PLCE1: variants seen among roughly 807,000 people sequenced by gnomAD.
PLCE1 encodes 1-phosphatidylinositol 4,5-bisphosphate phosphodiesterase epsilon-1.
PLCE1 carries 119 observed loss-of-function variants against 242.8 expected under a neutral mutation model. That is an observed-to-expected ratio of 0.49 (90% CI 0.42 to 0.57). The LOEUF is 0.57. PLCE1 is among the 20% of genes least tolerant of loss of function. The pLI is 0.00. For synonymous variants in PLCE1, 945 were observed against 1,017.4 expected (o/e 0.93, Z 1.35); for missense variants, 2,441 against 2,788.8 (o/e 0.88, Z 2.81).
At chr10:94,278,696 C>T (rs1452793527) in intron 19 of PLCE1, among the ~76,000 whole-genome samples, 1 of 151,996 alleles carries the variant, frequency 6.6e-6, no homozygotes. Context: ...GTGAAGAACC[C>T]CTGCCATATT....
chr10:94,063,524 T>G (rs2044118170), intron 2 of PLCE1, among the ~76,000 whole-genome samples: 1 of 152,128 alleles, frequency 6.6e-6, no homozygotes, highest in East Asian at 1.9e-4. Context: ...TCCTAAAAGG[T>G]TTTAGCAACT....
chr10:94,281,963 C>A (rs1048451957), intron 20 of PLCE1, among the ~76,000 whole-genome samples: 4 of 151,610 alleles, frequency 2.6e-5, no homozygotes, highest in African/African-American at 9.7e-5. Flanking sequence ...TGGGAAGCAC[C>A]GTTACCAGCC....
chr10:94,121,261 T>C (rs925763992), intron 2 of PLCE1, among the ~76,000 whole-genome samples: 1 of 152,168 alleles, frequency 6.6e-6, no homozygotes, highest in African/African-American at 2.4e-5. Context: ...GGTTGTTCTC[T>C]CCACCTCCAG....
chr10:94,182,924 A>C (rs1023890743), intron 4 of PLCE1, among the ~76,000 whole-genome samples: 1 of 152,236 alleles, frequency 6.6e-6, no homozygotes, highest in Non-Finnish European at 1.5e-5. Context: ...AAATAGATGA[A>C]TAGGAATTTT....
At chr10:94,255,792 C>T (rs2132878928) in intron 11 of PLCE1, among the ~76,000 whole-genome samples, 1 of 152,006 alleles carries the variant, frequency 6.6e-6, no homozygotes, top group East Asian at 1.9e-4. Flanking sequence ...GAATGCTGCT[C>T]CATCCTCCTG....
At chr10:94,301,096 G>A (rs1014983154) in intron 24 of PLCE1, among the ~76,000 whole-genome samples, 1 of 151,976 alleles carries the variant, frequency 6.6e-6, no homozygotes, top group Non-Finnish European at 1.5e-5. Flanking sequence ...TGTATTCCCA[G>A]CACTTTGGGA....
intron 7 of PLCE1, among the ~76,000 whole-genome samples, chr10:94,243,077 T>TA (rs2050562317): frequency 6.6e-6 from 1 of 152,166 alleles, no homozygotes; most frequent in African/African-American, 2.4e-5. Context: ...GGAAATGAGT[T>TA]AAAAATAATA....
At chr10:94,192,886 C>T (rs1284396596) in intron 4 of PLCE1, among the ~76,000 whole-genome samples, 5 of 143,988 alleles carry the variant, frequency 3.5e-5, no homozygotes, top group Middle Eastern at 7.0e-3. Context: ...CCATCTGGAA[C>T]GCACCCGCTC....
intron 1 of PLCE1, among the ~76,000 whole-genome samples, chr10:93,999,254 A>G (rs768448219): frequency 6.6e-6 from 1 of 152,224 alleles, no homozygotes; most frequent in African/African-American, 2.4e-5. Flanking sequence ...ATTTATAGGT[A>G]CTAACTTGTT....
At chr10:94,210,424 A>G (rs985741572) in intron 4 of PLCE1, among the ~76,000 whole-genome samples, 12 of 152,120 alleles carry the variant, frequency 7.9e-5, no homozygotes, top group Non-Finnish European at 1.2e-4. Flanking sequence ...TCACTTTTAC[A>G]GGAACTGTCA....
At chr10:94,118,627 T>C (rs1590063281) in intron 2 of PLCE1, among the ~76,000 whole-genome samples, 1 of 152,204 alleles carries the variant, frequency 6.6e-6, no homozygotes, top group Non-Finnish European at 1.5e-5. Flanking sequence ...GCCATCCATA[T>C]AAGATGTGAC....
chr10:94,321,014 T>C (rs1177782358), intron 29 of PLCE1, among the ~76,000 whole-genome samples: 2 of 152,202 alleles, frequency 1.3e-5, no homozygotes, highest in Non-Finnish European at 2.9e-5. Flanking sequence ...TTTAATAAGA[T>C]ACATATATCT....
intron 2 of PLCE1, among the ~76,000 whole-genome samples, chr10:94,047,343 A>T (rs1002811879): frequency 6.6e-6 from 1 of 152,152 alleles, no homozygotes; most frequent in Non-Finnish European, 1.5e-5. Flanking sequence ...TTGTCTCCCT[A>T]CCAGTGAGAA....
At chr10:94,126,167 A>ATT (rs542370340) in intron 2 of PLCE1, among the ~76,000 whole-genome samples, 1 of 152,206 alleles carries the variant, frequency 6.6e-6, no homozygotes, top group South Asian at 2.1e-4. Context: ...AAGTCATTTT[A>ATT]CTGTGTCAAA....
At chr10:94,219,846 TAG>T (rs1345395952) in intron 4 of PLCE1, among the ~76,000 whole-genome samples, 2 of 152,080 alleles carry the variant, frequency 1.3e-5, no homozygotes, top group Non-Finnish European at 2.9e-5. Context: ...AAAAGAGATT[TAG>T]AGTTTGTTCT....
chr10:94,124,398 AG>A (rs1211107188), intron 2 of PLCE1, among the ~76,000 whole-genome samples: 2 of 149,470 alleles, frequency 1.3e-5, no homozygotes, highest in African/African-American at 4.9e-5. Flanking sequence ...AAAAAAAAAA[AG>A]AAAGAAAGAA....
intron 23 of PLCE1, 67 bp downstream of exon 23, chr10:94,293,706 T>C: frequency 5.2e-6 from 8 of 1,528,266 alleles, no homozygotes; most frequent in Non-Finnish European, 7.2e-6. Flanking sequence ...TATTTTACTG[T>C]CTAAGCACTT....
chr10:94,318,535 G>A (rs959334885), intron 29 of PLCE1, among the ~76,000 whole-genome samples: 3 of 152,148 alleles, frequency 2.0e-5, no homozygotes, highest in Non-Finnish European at 4.4e-5. Context: ...GTTAGAAGTA[G>A]AAAGAACTCA....
chr10:94,113,126 C>A (rs967402083), intron 2 of PLCE1, among the ~76,000 whole-genome samples: 1 of 152,064 alleles, frequency 6.6e-6, no homozygotes, highest in Non-Finnish European at 1.5e-5. Flanking sequence ...TAGGGAGTGA[C>A]TTTAAATGGG....
Sources: allele counts gnomAD v4.1 joint callset (sites outside exome capture counted in the v4.1 genomes callset), GRCh38; gene constraint gnomAD v4.1.1; transcripts MANE v1.5; gene names NCBI Gene and HGNC (gene_info 2026-07-23, HGNC 2026-07-21).